Variants in PRKN observed in about 807,000 individuals in gnomAD.
The protein encoded by PRKN is E3 ubiquitin-protein ligase parkin.
A neutral mutation model predicts 59.5 loss-of-function variants in PRKN; 56 were observed. The ratio of observed to expected loss-of-function variants is 0.94; its 90% confidence interval spans 0.76 to 1.18. PRKN has a LOEUF of 1.18. Among genes scored for constraint, PRKN ranks in the 50% most tolerant of loss-of-function variants. The pLI, the probability that PRKN is intolerant of heterozygous loss-of-function variation, is 0.00. For missense variants in PRKN, 657 were observed against 596.4 expected, an observed-to-expected ratio of 1.10 and a Z score of -1.06; for synonymous variants, 250 against 222.1, an observed-to-expected ratio of 1.13 and a Z score of -1.12.
At chr6:162,634,985 C>G (rs1209037321) in intron 1 of PRKN, among the ~76,000 whole-genome samples, 1 of 152,172 alleles carries the variant, frequency 6.6e-6, no homozygotes. Context: ...CTAAAATTCC[C>G]TAATTTCACT....
At chr6:161,618,954 G>C (rs964723205) in intron 7 of PRKN, among the ~76,000 whole-genome samples, 7 of 152,144 alleles carry the variant, frequency 4.6e-5, no homozygotes, top group African/African-American at 7.2e-5. Context: ...CTTCATTCTT[G>C]AGTGGTTCTG....
intron 7 of PRKN, among the ~76,000 whole-genome samples, chr6:161,773,113 C>T (rs78127985): frequency 0.019 from 2,833 of 152,262 alleles, 78 homozygotes; most frequent in African/African-American, 0.064. Context: ...GGAGATCACA[C>T]GGAGGCTTCT....
chr6:161,878,325 AC>A (rs1794811150), intron 6 of PRKN, among the ~76,000 whole-genome samples: 1 of 152,130 alleles, frequency 6.6e-6, no homozygotes, highest in African/African-American at 2.4e-5. Flanking sequence ...ATGGAAACTC[AC>A]TCATATAACC....
intron 1 of PRKN, among the ~76,000 whole-genome samples, chr6:162,515,746 C>T (rs1278160632): frequency 6.6e-6 from 1 of 152,048 alleles, no homozygotes; most frequent in East Asian, 1.9e-4. Context: ...TCTAAATGTT[C>T]TTTTCTGTTC....
intron 2 of PRKN, among the ~76,000 whole-genome samples, chr6:162,395,744 T>C (rs1278828909): frequency 1.3e-5 from 2 of 151,360 alleles, no homozygotes; most frequent in Non-Finnish European, 2.9e-5. Context: ...TCACCTGGGG[T>C]TGTTGTGTGG....
At chr6:162,544,350 G>T (rs1779036659) in intron 1 of PRKN, among the ~76,000 whole-genome samples, 1 of 152,106 alleles carries the variant, frequency 6.6e-6, no homozygotes, top group African/African-American at 2.4e-5. Context: ...ACAGAGGAAT[G>T]CTCATAGCAC....
chr6:161,537,544 C>G (rs923401042), intron 9 of PRKN, among the ~76,000 whole-genome samples: 47 of 151,932 alleles, frequency 3.1e-4, no homozygotes, highest in African/African-American at 8.7e-4. Context: ...CTCTGCCTCC[C>G]AGGTTCACAC....
intron 5 of PRKN, among the ~76,000 whole-genome samples, chr6:161,980,241 T>A (rs1482554915): frequency 1.3e-5 from 2 of 152,212 alleles, no homozygotes; most frequent in Non-Finnish European, 1.5e-5. Flanking sequence ...ATTGTATCTA[T>A]CTTCACAAAG....
chr6:162,252,146 T>C (rs1779461092), intron 3 of PRKN, among the ~76,000 whole-genome samples: 1 of 152,230 alleles, frequency 6.6e-6, no homozygotes, highest in Non-Finnish European at 1.5e-5. Flanking sequence ...GGAAACATGC[T>C]GACTCTTATC....
At chr6:162,075,646 C>T (rs558624633) in intron 4 of PRKN, among the ~76,000 whole-genome samples, 149 of 151,912 alleles carry the variant, frequency 9.8e-4, no homozygotes, top group Non-Finnish European at 1.9e-3. Flanking sequence ...ACTCCAACAA[C>T]GTTTTGGAGT....
At chr6:161,935,294 C>A (rs1779313554) in intron 6 of PRKN, among the ~76,000 whole-genome samples, 1 of 152,074 alleles carries the variant, frequency 6.6e-6, no homozygotes, top group Non-Finnish European at 1.5e-5. Flanking sequence ...TTGCTCACAC[C>A]TGTAATCCCA....
At chr6:161,655,873 CACACACACACA>C (rs1562587408) in intron 7 of PRKN, among the ~76,000 whole-genome samples, 1 of 47,922 alleles carries the variant, frequency 2.1e-5, no homozygotes, top group East Asian at 4.1e-4. Context: ...CATGCACACA[CACACACACACA>C]TACACACACA....
chr6:161,437,025 C>T (rs968939711), intron 9 of PRKN, among the ~76,000 whole-genome samples: 1 of 152,224 alleles, frequency 6.6e-6, no homozygotes, highest in African/African-American at 2.4e-5. Flanking sequence ...CGTTCCCAGA[C>T]CCTCAGTGTA....
chr6:161,837,592 A>T (rs1043989612), intron 6 of PRKN, among the ~76,000 whole-genome samples: 2 of 151,784 alleles, frequency 1.3e-5, no homozygotes, highest in African/African-American at 4.8e-5. Flanking sequence ...AAAAAAAACA[A>T]CCCATACATC....
intron 2 of PRKN, among the ~76,000 whole-genome samples, chr6:162,324,716 C>T (rs1202818874): frequency 6.6e-6 from 1 of 151,846 alleles, no homozygotes; most frequent in Non-Finnish European, 1.5e-5. Context: ...ATTAAAATGG[C>T]CTCTATTTCA....
At chr6:162,585,327 G>A (rs1681262394) in intron 1 of PRKN, among the ~76,000 whole-genome samples, 1 of 152,116 alleles carries the variant, frequency 6.6e-6, no homozygotes, top group Non-Finnish European at 1.5e-5. Flanking sequence ...GAGTGGTTAT[G>A]GGGGCCATGT....
intron 2 of PRKN, among the ~76,000 whole-genome samples, chr6:162,320,063 A>T (rs868819452): frequency 2.6e-5 from 4 of 151,830 alleles, no homozygotes; most frequent in Admixed American, 1.3e-4. Flanking sequence ...AAAATGAGCT[A>T]TTTGTCTTTC....
chr6:162,158,225 A>G (rs1474385878), intron 4 of PRKN, among the ~76,000 whole-genome samples: 1 of 152,022 alleles, frequency 6.6e-6, no homozygotes, highest in Non-Finnish European at 1.5e-5. Context: ...TCTAAATAAT[A>G]AATTCAGTTT....
At chr6:162,395,414 C>T (rs1787425807) in intron 2 of PRKN, among the ~76,000 whole-genome samples, 3 of 152,166 alleles carry the variant, frequency 2.0e-5, no homozygotes, top group Admixed American at 2.0e-4. Context: ...ATCAATTTGC[C>T]ACATGCACTT....
Sources: allele counts gnomAD v4.1 joint callset (sites outside exome capture counted in the v4.1 genomes callset), GRCh38; gene constraint gnomAD v4.1.1; transcripts MANE v1.5; gene names NCBI Gene and HGNC (gene_info 2026-07-23, HGNC 2026-07-21).